MARCHF1: variants seen among roughly 807,000 people sequenced by gnomAD.
The protein encoded by MARCHF1 is E3 ubiquitin-protein ligase MARCHF1.
In MARCHF1, 40 loss-of-function variants were observed where a neutral mutation model predicts 54.2. That is an observed-to-expected ratio of 0.74 (90% confidence interval 0.57 to 0.96). MARCHF1 has a LOEUF of 0.96. Ranked by LOEUF, MARCHF1 falls within the 40% of genes least tolerant of loss-of-function variation. MARCHF1 has a pLI of 0.00. For synonymous variants in MARCHF1, 236 were observed against 236.3 expected, an observed-to-expected ratio of 1.00 and a Z score of 0.01; for missense variants, 586 against 656.5, an observed-to-expected ratio of 0.89 and a Z score of 1.17.
At chr4:163,592,391 A>G (rs974018060) in intron 7 of MARCHF1, among the ~76,000 whole-genome samples, 1 of 152,124 alleles carries the variant, frequency 6.6e-6, no homozygotes, top group Non-Finnish European at 1.5e-5. Context: ...CTTGGTCAAA[A>G]CCTCAGACCA....
At chr4:163,556,739 G>T (rs1739305224) in intron 8 of MARCHF1, among the ~76,000 whole-genome samples, 1 of 151,984 alleles carries the variant, frequency 6.6e-6, no homozygotes, top group Admixed American at 6.5e-5. Context: ...TTAAAAAATA[G>T]TGTTTTAGTT....
At chr4:163,980,839 T>G (rs558278016) in intron 3 of MARCHF1, among the ~76,000 whole-genome samples, 1 of 152,350 alleles carries the variant, frequency 6.6e-6, no homozygotes, top group Admixed American at 6.5e-5. Flanking sequence ...TTCTAACATT[T>G]ATAAGTTTTG....
intron 3 of MARCHF1, among the ~76,000 whole-genome samples, chr4:163,888,842 T>C (rs1459312042): frequency 1.3e-5 from 2 of 152,172 alleles, no homozygotes; most frequent in African/African-American, 2.4e-5. Flanking sequence ...TCATCTTGTG[T>C]GCAGCAAGCA....
Position 163,528,964 on chromosome 4 carries a change from C to G in MARCHF1, c.1422G>C (p.Gln474His). The G allele has an allele frequency of 6.2e-7, 1 of 1,613,250 alleles. No individual in the cohort carries two copies. The change falls in exon 10 of 10, where the codon CAG becomes CAC. Residue 474 changes from glutamine to histidine, a missense_variant. Gln to His is a conservative substitution (Grantham distance 24). Transcript: ENST00000514618. ...FTGGLVFMYV[Q>H]CKVYVQLWRR... Reference sequence around the variant, plus strand: ...GCCACAACTGAACATAGACTTTACACTGTACGTACATGAAGACAAGACCTC... The same window carrying G: ...GCCACAACTGAACATAGACTTTACAGTGTACGTACATGAAGACAAGACCTC...
In MARCHF1 at chr4:163,805,146, T is replaced by C. The variant is rs1748189167; in HGVS notation, c.111+48875A>G. Among the ~76,000 whole-genome samples, 7 of 152,244 alleles carry C rather than the reference T, an allele frequency of 4.6e-5. No individual in the cohort carries two copies. In the South Asian group the frequency reaches 1.5e-3, roughly 32 times the overall value. Reference sequence around the variant, plus strand: ...GTTTGGAAAACTATAAGCTTCTCCTTAACCTGTATTGATATTGATTAGAAT... The same window carrying C: ...GTTTGGAAAACTATAAGCTTCTCCTCAACCTGTATTGATATTGATTAGAAT... On this transcript the variant is annotated intron_variant, in intron 4 of 9. Coordinates refer to ENST00000514618, the MANE Select transcript of MARCHF1 (RefSeq NM_001394959.1).
At chr4:163,957,650 G>A (rs749788222) in intron 3 of MARCHF1, among the ~76,000 whole-genome samples, 1 of 151,836 alleles carries the variant, frequency 6.6e-6, no homozygotes, top group Non-Finnish European at 1.5e-5. Context: ...CTTTTCTATT[G>A]TTTCCTGATA....
At chr4:163,579,404 A>AT (rs996336836) in intron 8 of MARCHF1, among the ~76,000 whole-genome samples, 4 of 152,178 alleles carry the variant, frequency 2.6e-5, no homozygotes, top group African/African-American at 9.7e-5. Context: ...TCTTTTAATA[A>AT]TTTTTTGTTA....
At chr4:164,333,970 C>T (rs111599495) in intron 1 of MARCHF1, among the ~76,000 whole-genome samples, 2,247 of 152,252 alleles carry the variant, frequency 0.015, 72 homozygotes, top group East Asian at 0.13. Context: ...TAAGCCAAAG[C>T]GTAATCCAGA....
At position 164,006,990 on chromosome 4, in the gene MARCHF1, GAAAAAAAAAAAAAAAAAAAAAA is replaced by G. The variant is rs57195057; in HGVS notation, c.-247-18303_-247-18282del. Among the ~76,000 whole-genome samples, 59 of 23,190 alleles carry G rather than the reference GAAAAAAAAAAAAAAAAAAAAAA, an allele frequency of 2.5e-3. No individual in the cohort carries two copies. In the East Asian group the frequency reaches 0.048, roughly 19 times the overall value. 15.2% of individuals were successfully genotyped at this position (23,190 alleles called of 152,430 possible). On this transcript the variant is annotated intron_variant, in intron 2 of 9. Transcript: ENST00000514618. ...AATAATAGAGGGAGCTCTGAAATCT[GAAAAAAAAAAAAAAAAAAAAAA>G]AAAAAAAAAAAAAAAAAAAAGAACA...
chr4:164,161,660 C>T (rs1446516556), intron 1 of MARCHF1, among the ~76,000 whole-genome samples: 1 of 152,062 alleles, frequency 6.6e-6, no homozygotes, highest in Non-Finnish European at 1.5e-5. Flanking sequence ...ACCTCATAAA[C>T]TTAAATTTAT....
At chr4:164,377,608 C>CACACAG (rs1158710442) in intron 1 of MARCHF1, among the ~76,000 whole-genome samples, 2 of 152,066 alleles carry the variant, frequency 1.3e-5, no homozygotes, top group East Asian at 3.9e-4. Flanking sequence ...CACACACACA[C>CACACAG]ACACACATAC....
At chr4:164,177,009 T>TATATATATATAA in intron 1 of MARCHF1, among the ~76,000 whole-genome samples, 1 of 55,572 alleles carries the variant, frequency 1.8e-5, no homozygotes, top group South Asian at 6.9e-4. Context: ...TATATATATA[T>TATATATATATAA]ACAAATGATA....
chr4:163,834,009 A>G (rs1190012073), intron 4 of MARCHF1, among the ~76,000 whole-genome samples: 1 of 152,198 alleles, frequency 6.6e-6, no homozygotes, highest in Non-Finnish European at 1.5e-5. Context: ...GCAAAAAGGC[A>G]ATGGATAAAA....
chr4:163,984,411 T>C (rs1369636634), intron 3 of MARCHF1, among the ~76,000 whole-genome samples: 3 of 152,180 alleles, frequency 2.0e-5, no homozygotes, highest in East Asian at 1.9e-4. Context: ...AAATAACTCA[T>C]GTTTTGTTTT....
At position 164,196,105 on chromosome 4, in the gene MARCHF1, C is replaced by T. The variant is rs139423271; in HGVS notation, c.-322-84443G>A. Among the ~76,000 whole-genome samples, 698 of 152,186 alleles carry T rather than the reference C, an allele frequency of 4.6e-3. 5 individuals carry two copies. Among genetic ancestry groups the T allele is most frequent in the African/African-American group, 0.015 (642 of 41,540 alleles). On this transcript the variant is annotated intron_variant, in intron 1 of 9. Transcript: ENST00000514618. Reference sequence around the variant, plus strand: ...TCTTCATTAGTTTTTAATTATGTTACTATTAGTTTCATTCATGTTATTTGA... The same window carrying T: ...TCTTCATTAGTTTTTAATTATGTTATTATTAGTTTCATTCATGTTATTTGA...
chr4:164,107,050 A>G (rs1047769609), intron 2 of MARCHF1, among the ~76,000 whole-genome samples: 4 of 152,218 alleles, frequency 2.6e-5, no homozygotes, highest in African/African-American at 9.6e-5. Flanking sequence ...TAAAGGAGAA[A>G]AATATTTCTC....
intron 2 of MARCHF1, among the ~76,000 whole-genome samples, chr4:164,025,233 T>C (rs1046329806): frequency 2.6e-5 from 4 of 152,012 alleles, no homozygotes; most frequent in Non-Finnish European, 4.4e-5. Context: ...TGACAATCAA[T>C]TGAAACTAAT....
intron 2 of MARCHF1, among the ~76,000 whole-genome samples, chr4:164,032,428 G>C (rs548546120): frequency 6.6e-6 from 1 of 152,056 alleles, no homozygotes; most frequent in South Asian, 2.1e-4. Context: ...GGGATGTTAG[G>C]GTGTCAATGT....
intron 1 of MARCHF1, among the ~76,000 whole-genome samples, chr4:164,198,479 T>A (rs1056294028): frequency 2.6e-5 from 4 of 152,218 alleles, no homozygotes; most frequent in African/African-American, 9.6e-5. Context: ...AATTAGTTCT[T>A]ACACAAGGAT....
Sources: allele counts gnomAD v4.1 joint callset (sites outside exome capture counted in the v4.1 genomes callset), GRCh38; gene constraint gnomAD v4.1.1; transcripts MANE v1.5; gene names NCBI Gene and HGNC (gene_info 2026-07-23, HGNC 2026-07-21).